ZNF676: variants seen among roughly 807,000 people sequenced by gnomAD.
ZNF676 encodes the protein zinc finger protein 676.
ZNF676 carries 4 observed loss-of-function variants against 6.0 expected under a neutral mutation model. That is an observed-to-expected ratio of 0.67 (90% confidence interval 0.33 to 1.53). The LOEUF (loss-of-function observed/expected upper bound fraction) is 1.53. Among genes scored for constraint, ZNF676 ranks in the 40% most tolerant of loss-of-function variants. The pLI is 0.06. For missense variants in ZNF676, 644 were observed against 679.7 expected (o/e 0.95, Z 0.58); for synonymous variants, 198 against 223.1 (o/e 0.89, Z 1.00).
At chr19:22,222,951 G>A in the ZNF676 span, among the ~76,000 whole-genome samples, 2 of 152,190 alleles carry the variant, frequency 1.3e-5, no homozygotes, top group Non-Finnish European at 1.5e-5. Context: ...AAGTACTAGA[G>A]AGGGTCTTCC....
intron 1 of ZNF676, among the ~76,000 whole-genome samples, chr19:22,212,569 G>T (rs894884114): frequency 2.8e-4 from 42 of 152,046 alleles, no homozygotes; most frequent in African/African-American, 9.2e-4. Flanking sequence ...GCCAGGTGTG[G>T]TGGTGGGCAC....
Position 22,181,127 on chromosome 19 carries a change from T to C in ZNF676, c.590A>G (p.Tyr197Cys), listed in dbSNP as rs552127917. 1.1e-5 allele frequency: 18 copies of C among 1,613,866 alleles called. 1 individual carries two copies. The South Asian group carries it at 1.4e-4, about 13-fold the overall frequency. ...GGCTTTGCCACATTCTTCACATTTG[T>C]AGGGTTTCTCTCCAGTATGAATACT... ...YKSIHTGEKPYKCEECGKAFS... is the reference protein window; with the variant it reads ...YKSIHTGEKPCKCEECGKAFS... Residue 197 changes from tyrosine (Y) to cysteine (C), a missense_variant, in exon 3 of 3, where the codon TAC becomes TGC. This residue lies in a region of ZNF676 where 280 missense variants were observed against 269.3 expected (regional missense o/e 1.04). Transcript: ENST00000397121.
intron 2 of ZNF676, among the ~76,000 whole-genome samples, chr19:22,185,848 A>C (rs2023831073): frequency 6.6e-6 from 1 of 152,006 alleles, no homozygotes; most frequent in African/African-American, 2.4e-5. Context: ...GAATAAAGAG[A>C]AACAAACAAA....
intron 2 of ZNF676, among the ~76,000 whole-genome samples, chr19:22,190,630 C>CATATATAT (rs74174059): frequency 0.086 from 5,731 of 66,256 alleles, 404 homozygotes; most frequent in Non-Finnish European, 0.11. Context: ...TAGAATGCAA[C>CATATATAT]ATATATATAT....
intron 2 of ZNF676, among the ~76,000 whole-genome samples, chr19:22,192,608 A>T (rs2023921721): frequency 6.6e-6 from 1 of 152,280 alleles, no homozygotes; most frequent in South Asian, 2.1e-4. Context: ...TGAACCAAAA[A>T]AACCCCAATG....
intron 1 of ZNF676, chr19:22,215,627 C>T (rs2024176524): frequency 1.2e-6 from 2 of 1,611,000 alleles, no homozygotes; most frequent in Non-Finnish European, 1.7e-6. Flanking sequence ...ACCCGGCACA[C>T]TCACCATTTC....
chr19:22,198,203 T>A (rs1211642251), upstream of ZNF676, among the ~76,000 whole-genome samples: 2 of 151,914 alleles, frequency 1.3e-5, no homozygotes, highest in Non-Finnish European at 2.9e-5. Context: ...CCAATATGAA[T>A]TTTGAGTATC....
At chr19:22,254,301 A>G in the ZNF676 span, among the ~76,000 whole-genome samples, 1 of 152,070 alleles carries the variant, frequency 6.6e-6, no homozygotes, top group Non-Finnish European at 1.5e-5. Context: ...GGAGAGACAC[A>G]TCATCTGGTG....
chr19:22,253,370 G>GTA, the ZNF676 span, among the ~76,000 whole-genome samples: 97 of 59,952 alleles, frequency 1.6e-3, 1 homozygote, highest in Admixed American at 5.5e-3. Flanking sequence ...GTGTGTGTGT[G>GTA]TGTATATATA....
chr19:22,195,717 A>G (rs2023960026), intron 1 of ZNF676, among the ~76,000 whole-genome samples: 1 of 152,230 alleles, frequency 6.6e-6, no homozygotes, highest in Admixed American at 6.5e-5. Flanking sequence ...CAATTGTGCT[A>G]TCATTTAAAT....
Position 22,179,763 on chromosome 19 carries a change from T to G in ZNF676, c.*187A>C. On this transcript the variant is annotated 3_prime_UTR_variant, in exon 3 of 3. Coordinates refer to ENST00000397121, the MANE Select transcript of ZNF676 (RefSeq NM_001001411.3). ...CAAGGTTTGAGGACCGGTTGAAGCC[T>G]TTGTCACATTCTTCACGTTTGTAGT... 1 of 813,084 alleles carries G rather than the reference T, an allele frequency of 1.2e-6. No individual in the cohort carries two copies. Among genetic ancestry groups the G allele is most frequent in the Non-Finnish European group, 2.1e-6 (1 of 474,990 alleles). The allele number at this position is 813,084 out of a possible 1,614,324, so 50.4% of individuals were successfully genotyped here.
chr19:22,196,500 G>T, intron 1 of ZNF676, 100 bp downstream of exon 1: 3 of 1,598,272 alleles, frequency 1.9e-6, no homozygotes, highest in Non-Finnish European at 2.6e-6. Flanking sequence ...GTCTTTGTCT[G>T]TATTCTCGCA....
chr19:22,210,397 TGGG>T (rs1454913384), intron 1 of ZNF676, among the ~76,000 whole-genome samples: 1 of 152,078 alleles, frequency 6.6e-6, no homozygotes, highest in East Asian at 1.9e-4. Flanking sequence ...GTTTAAAAAG[TGGG>T]GACTCCCATA....
At chr19:22,208,444 A>G (rs2024097423) in intron 1 of ZNF676, among the ~76,000 whole-genome samples, 1 of 152,338 alleles carries the variant, frequency 6.6e-6, no homozygotes, top group Non-Finnish European at 1.5e-5. Flanking sequence ...TAATTCAACC[A>G]TTGTGAAAAG....
the ZNF676 span, among the ~76,000 whole-genome samples, chr19:22,221,211 T>C: frequency 5.0e-4 from 76 of 152,296 alleles, no homozygotes; most frequent in African/African-American, 1.8e-3. Flanking sequence ...ATGTATTTAA[T>C]GCTATGAACT....
chr19:22,195,142 T>A (rs1431296419), intron 1 of ZNF676, among the ~76,000 whole-genome samples: 1 of 152,160 alleles, frequency 6.6e-6, no homozygotes. Flanking sequence ...AATTACACCC[T>A]TTTCCACAAA....
intron 2 of ZNF676, among the ~76,000 whole-genome samples, chr19:22,182,793 A>G (rs1266323568): frequency 6.6e-6 from 1 of 151,956 alleles, no homozygotes; most frequent in Non-Finnish European, 1.5e-5. Context: ...AATGTAAGAA[A>G]ACAACACCTA....
chr19:22,240,029 C>T, the ZNF676 span, among the ~76,000 whole-genome samples: 1 of 152,178 alleles, frequency 6.6e-6, no homozygotes, highest in African/African-American at 2.4e-5. Context: ...AGGGGATGCA[C>T]CCAGATATAT....
At chr19:22,210,804 A>C (rs1271072833) in intron 1 of ZNF676, among the ~76,000 whole-genome samples, 1 of 152,152 alleles carries the variant, frequency 6.6e-6, no homozygotes, top group Admixed American at 6.5e-5. Context: ...TTTTCTTCCC[A>C]CAGGCTCCTG....
Sources: allele counts gnomAD v4.1 joint callset (sites outside exome capture counted in the v4.1 genomes callset), GRCh38; gene constraint gnomAD v4.1.1; regional missense constraint gnomAD v4.1.1; transcripts MANE v1.5; gene names NCBI Gene and HGNC (gene_info 2026-07-23, HGNC 2026-07-21).